The following CNGA3 variants were observed in gnomAD, a reference collection of about 807,000 sequenced individuals.
CNGA3 encodes the protein cyclic nucleotide gated channel subunit alpha 3, also known as cyclic nucleotide-gated channel alpha-3.
In CNGA3, 42 loss-of-function variants were observed where a neutral mutation model predicts 46.6. The ratio of observed to expected loss-of-function variants is 0.90; its 90% CI spans 0.70 to 1.17. The LOEUF (loss-of-function observed/expected upper bound fraction) is 1.17. Among genes scored for constraint, CNGA3 ranks in the 50% most tolerant of loss-of-function variants. The pLI, the probability that CNGA3 is intolerant of heterozygous loss-of-function variation, is 0.00. For synonymous variants in CNGA3, 394 were observed against 369.4 expected (o/e 1.07, Z -0.76); for missense variants, 893 against 890.7 (o/e 1.00, Z -0.03).
rs371232570 is a variant in CNGA3 at position 98,380,183 on chromosome 2, G to A, written c.224G>A (p.Arg75His). The A allele has an allele frequency of 4.7e-5, 76 of 1,614,026 alleles. No individual in the cohort carries two copies. Among genetic ancestry groups the A allele is most frequent in the South Asian group, 4.5e-4 (41 of 91,088 alleles). Reference sequence around the variant, plus strand: ...CTTGTGTCACCTTCCAGGCTGTCGCGCCTCATCTTCTTGCTGCGCAGGTGG... The same window carrying A: ...CTTGTGTCACCTTCCAGGCTGTCGCACCTCATCTTCTTGCTGCGCAGGTGG... ...FTGQGIARLS[R>H]LIFLLRRWAA... Residue 75 changes from arginine to histidine, a missense_variant, in exon 4 of 8, where the codon CGC becomes CAC. By Grantham distance (29) the Arg-to-His change is conservative. This residue lies in a region of CNGA3 where 333 missense variants were observed against 290.8 expected (regional missense o/e 1.15). Coordinates refer to ENST00000272602, the MANE Select transcript of CNGA3 (RefSeq NM_001298.3).
At chr2:98,383,033 T>C (rs1166812839) in intron 4 of CNGA3, among the ~76,000 whole-genome samples, 1 of 152,214 alleles carries the variant, frequency 6.6e-6, no homozygotes, top group Non-Finnish European at 1.5e-5. Flanking sequence ...GCAGGGTCCA[T>C]TTCTGTGCCC....
intron 7 of CNGA3, among the ~76,000 whole-genome samples, chr2:98,392,801 C>T (rs548090224): frequency 6.6e-6 from 1 of 152,070 alleles, no homozygotes; most frequent in African/African-American, 2.4e-5. Flanking sequence ...GAAATAGGGC[C>T]CAGGTGAATG....
intron 2 of CNGA3, among the ~76,000 whole-genome samples, chr2:98,371,982 C>T (rs1264226491): frequency 6.6e-6 from 1 of 152,208 alleles, no homozygotes; most frequent in Non-Finnish European, 1.5e-5. Context: ...TTCCTCTTTG[C>T]ACCCAACTTG....
intron 5 of CNGA3, among the ~76,000 whole-genome samples, chr2:98,387,221 G>T (rs1050151626): frequency 6.6e-6 from 1 of 152,094 alleles, no homozygotes; most frequent in Non-Finnish European, 1.5e-5. Flanking sequence ...CGTGTGATTC[G>T]GTGGCTCTCC....
At chr2:98,389,879 C>T (rs192488351) in intron 6 of CNGA3, 105 bp downstream of exon 6, 2 of 777,566 alleles carry the variant, frequency 2.6e-6, no homozygotes, top group Middle Eastern at 3.8e-4. Flanking sequence ...GCCTGGACCC[C>T]TCACGGCCAC....
chr2:98,370,164 C>G, intron 2 of CNGA3, 88 bp downstream of exon 2: 1 of 1,111,290 alleles, frequency 9.0e-7, no homozygotes, highest in Non-Finnish European at 1.3e-6. Context: ...AGAATGCCTT[C>G]ACGTTGGCCA....
At chr2:98,367,167 G>GTTTATTTTCCTTTTTTTTT (rs751611132) in intron 1 of CNGA3, among the ~76,000 whole-genome samples, 6 of 101,586 alleles carry the variant, frequency 5.9e-5, no homozygotes, top group East Asian at 2.5e-4. Context: ...GACATCAGCT[G>GTTTATTTTCCTTTTTTTTT]TTTTTTTTCT....
intron 4 of CNGA3, among the ~76,000 whole-genome samples, chr2:98,381,876 A>G (rs1206584071): frequency 6.6e-6 from 1 of 152,198 alleles, no homozygotes; most frequent in Non-Finnish European, 1.5e-5. Context: ...AAGAGGACAA[A>G]GTGGGGAAAG....
chr2:98,366,746 G>A (rs1212524498), intron 1 of CNGA3, among the ~76,000 whole-genome samples: 1 of 152,214 alleles, frequency 6.6e-6, no homozygotes, highest in Non-Finnish European at 1.5e-5. Flanking sequence ...TCCAGCAGGG[G>A]AAAATGGCAG....
chr2:98,397,420 G>T lies in CNGA3; in HGVS notation c.*165G>T. On this transcript the variant is annotated 3_prime_UTR_variant, in exon 8 of 8. Coordinates refer to ENST00000272602, the MANE Select transcript of CNGA3 (RefSeq NM_001298.3). ...AACCTGTTTCTTCACCTAAAAAATGGGACTTTTTGTCTCAGTCCCAGTGAA... is the reference window on the plus strand; with the variant it reads ...AACCTGTTTCTTCACCTAAAAAATGTGACTTTTTGTCTCAGTCCCAGTGAA... The T allele has an allele frequency of 1.4e-6, 1 of 739,330 alleles. No homozygotes were observed. 45.8% of individuals were successfully genotyped at this position (739,330 alleles called of 1,614,324 possible).
At chr2:98,380,050 G>T (rs1181962844) in intron 3 of CNGA3, 125 bp from the exon 4 acceptor site, 12 of 1,141,916 alleles carry the variant, frequency 1.1e-5, no homozygotes, top group Non-Finnish European at 1.5e-5. Context: ...GGTCATCATT[G>T]CTTCTGCCCC....
At chr2:98,361,768 C>T (rs1036407699) in intron 1 of CNGA3, among the ~76,000 whole-genome samples, 11 of 143,558 alleles carry the variant, frequency 7.7e-5, no homozygotes, top group East Asian at 4.1e-4. Context: ...AGTGCAGTGG[C>T]GCGATCTCGG....
intron 2 of CNGA3, among the ~76,000 whole-genome samples, chr2:98,370,967 G>A (rs1421462850): frequency 6.6e-6 from 1 of 152,102 alleles, no homozygotes; most frequent in Non-Finnish European, 1.5e-5. Flanking sequence ...TGGAATTACA[G>A]GCACCCACCA....
intron 1 of CNGA3, among the ~76,000 whole-genome samples, chr2:98,362,965 T>C (rs1035548739): frequency 6.6e-6 from 1 of 152,174 alleles, no homozygotes; most frequent in South Asian, 2.1e-4. Flanking sequence ...TGGTTGTAGA[T>C]GTGTGGTCTT....
chr2:98,369,550 T>A (rs1266060161), intron 1 of CNGA3, among the ~76,000 whole-genome samples: 2 of 152,178 alleles, frequency 1.3e-5, no homozygotes, highest in Non-Finnish European at 1.5e-5. Flanking sequence ...TGCCAAATTA[T>A]AAGATAAAAA....
chr2:98,353,470 T>C (rs1482566289), intron 1 of CNGA3, among the ~76,000 whole-genome samples: 1 of 152,196 alleles, frequency 6.6e-6, no homozygotes, highest in African/African-American at 2.4e-5. Flanking sequence ...GAAGGACCTT[T>C]TATAGCCATC....
At chr2:98,373,165 T>TCCCAG (rs1692325616) in intron 2 of CNGA3, among the ~76,000 whole-genome samples, 1 of 152,092 alleles carries the variant, frequency 6.6e-6, no homozygotes, top group South Asian at 2.1e-4. Context: ...CTCCCCTGCT[T>TCCCAG]CCCAGCCCAG....
intron 1 of CNGA3, chr2:98,356,019 C>A (rs369451563): frequency 1.3e-5 from 2 of 152,220 alleles, no homozygotes; most frequent in African/African-American, 4.8e-5. Flanking sequence ...GTGGTGCCCA[C>A]GTCAGCTCTG....
chr2:98,383,065 C>T (rs1247844538), intron 4 of CNGA3, among the ~76,000 whole-genome samples: 1 of 152,166 alleles, frequency 6.6e-6, no homozygotes, highest in Non-Finnish European at 1.5e-5. Flanking sequence ...TGGCACGTGG[C>T]CCCATCCAGG....
Sources: allele counts gnomAD v4.1 joint callset (sites outside exome capture counted in the v4.1 genomes callset), GRCh38; gene constraint gnomAD v4.1.1; regional missense constraint gnomAD v4.1.1; transcripts MANE v1.5; gene names NCBI Gene and HGNC (gene_info 2026-07-23, HGNC 2026-07-21).